Variants in PCDHA9 observed in about 807,000 individuals in gnomAD.
PCDHA9 encodes protocadherin alpha 9.
PCDHA9 carries 62 observed loss-of-function variants against 62.0 expected under a neutral mutation model. The observed-to-expected ratio is 1.00, with a 90% CI of 0.81 to 1.23. The LOEUF (loss-of-function observed/expected upper bound fraction) is 1.23, where lower values mean the gene tolerates loss of function less well. PCDHA9 is among the 50% of genes most tolerant of loss of function. PCDHA9 has a pLI of 0.00. For synonymous variants in PCDHA9, 557 were observed against 567.6 expected (o/e 0.98, Z 0.27); for missense variants, 1,205 against 1,249.8 (o/e 0.96, Z 0.54).
At chr5:140,856,940 A>G (rs2044280502) in intron 1 of PCDHA9, 1 of 1,593,596 alleles carries the variant, frequency 6.3e-7, no homozygotes, top group African/African-American at 1.3e-5. Context: ...AAACGAAAGG[A>G]CGGGAGAAAT....
At chr5:140,864,271 A>T (rs2048397543) in intron 1 of PCDHA9, 1 of 152,134 alleles carries the variant, frequency 6.6e-6, no homozygotes, top group African/African-American at 2.4e-5. Context: ...TGTGTCCTCC[A>T]TTCCTTATTG....
rs2042023727 is a variant in PCDHA9, at chr5:140,851,309, G to T, written c.2394+420G>T. ...ACCCAAGCAAAAATATATAGCAATT[G>T]TTACCTTGTTAAGTTTGTAGTTCTC... On this transcript the variant is annotated intron_variant, in intron 1 of 3. Coordinates refer to ENST00000532602, the MANE Select transcript of PCDHA9 (RefSeq NM_031857.2). 5.0e-6 allele frequency: 5 copies of T among 1,000,390 alleles called. 1 individual carries two copies. Among genetic ancestry groups the T allele is most frequent in the Admixed American group, 5.3e-5 (1 of 18,698 alleles). 62.0% of individuals were successfully genotyped at this position (1,000,390 alleles called of 1,614,324 possible).
At chr5:140,985,128 G>A (rs908196925) in intron 3 of PCDHA9, among the ~76,000 whole-genome samples, 3 of 152,056 alleles carry the variant, frequency 2.0e-5, no homozygotes, top group Admixed American at 6.6e-5. Flanking sequence ...TAGTAAAGAC[G>A]GGGTTTCACC....
At chr5:140,911,560 A>T (rs1554194794) in intron 1 of PCDHA9, among the ~76,000 whole-genome samples, 2 of 152,170 alleles carry the variant, frequency 1.3e-5, no homozygotes, top group Non-Finnish European at 2.9e-5. Flanking sequence ...ATTTTCTTTC[A>T]TCACTTTGTC....
intron 1 of PCDHA9, among the ~76,000 whole-genome samples, chr5:140,941,183 T>C (rs2092749314): frequency 8.3e-6 from 1 of 120,094 alleles, no homozygotes; most frequent in African/African-American, 3.0e-5. Flanking sequence ...AACATCCTGC[T>C]TCTTTTTTTT....
chr5:140,870,908 A>G, intron 1 of PCDHA9: 1 of 1,613,928 alleles, frequency 6.2e-7, no homozygotes, highest in Non-Finnish European at 8.5e-7. Flanking sequence ...GACTCAGGCT[A>G]CAACGCGTGG....
At chr5:140,995,557 A>G (rs1032736761) in intron 3 of PCDHA9, among the ~76,000 whole-genome samples, 2 of 152,252 alleles carry the variant, frequency 1.3e-5, no homozygotes, top group African/African-American at 2.4e-5. Flanking sequence ...ACTGTACTGA[A>G]TAATATGTCA....
intron 1 of PCDHA9, chr5:140,869,678 T>A: frequency 1.9e-6 from 3 of 1,613,496 alleles, no homozygotes; most frequent in East Asian, 4.5e-5. Flanking sequence ...ATTAAAAGAC[T>A]GTCACTTATT....
chr5:140,929,246 C>T, intron 1 of PCDHA9: 1 of 1,613,738 alleles, frequency 6.2e-7, no homozygotes, highest in Non-Finnish European at 8.5e-7. Context: ...AATCTTGCCA[C>T]TGGGGTAGGA....
chr5:140,888,447 A>G (rs1554183478), intron 1 of PCDHA9, among the ~76,000 whole-genome samples: 1 of 152,190 alleles, frequency 6.6e-6, no homozygotes, highest in Non-Finnish European at 1.5e-5. Context: ...CCCAACAATA[A>G]AGAATTAGCT....
intron 3 of PCDHA9, among the ~76,000 whole-genome samples, chr5:140,994,116 T>C: frequency 6.6e-6 from 1 of 152,196 alleles, no homozygotes; most frequent in East Asian, 1.9e-4. Context: ...CATTGTCATG[T>C]GATAAGGGCG....
chr5:140,850,250 G>T lies in PCDHA9; in HGVS notation c.1755G>T (p.Val585=), dbSNP rs2150475592. The part of the protein sequence containing the change: ...GAVSEMVLRS[V]GAGVVVGKVR... ...TGAGCGAGATGGTGCTGCGGTCGGT[G>T]GGCGCCGGCGTAGTGGTGGGGAAGG... The change falls in exon 1 of 4, where the codon GTG becomes GTT. Residue 585 remains valine (V), a synonymous_variant. Transcript: ENST00000532602. 1.3e-6 allele frequency: 2 copies of T among 1,594,024 alleles called. No homozygotes were observed. Among genetic ancestry groups the T allele is most frequent in the South Asian group, 2.2e-5 (2 of 90,416 alleles).
Position 140,848,728 on chromosome 5 carries a change from A to G in PCDHA9, c.233A>G (p.Asn78Ser). Residue 78 changes from asparagine to serine, a missense_variant, in exon 1 of 4, where the codon AAT becomes AGT. This residue lies in a region of PCDHA9 where 208 missense variants were observed against 213.2 expected (regional missense o/e 0.98). Transcript: ENST00000532602. ...GGCCGCGGGGACCTTCTGGAGGTAAATCTGCAGAATGGCATTTTGTTTGTG... is the reference window on the plus strand; with the variant it reads ...GGCCGCGGGGACCTTCTGGAGGTAAGTCTGCAGAATGGCATTTTGTTTGTG... Reference protein sequence around the residue: ...SKGRGDLLEVNLQNGILFVNS... With the variant: ...SKGRGDLLEVSLQNGILFVNS... 5 of 1,592,594 alleles carry G rather than the reference A, an allele frequency of 3.1e-6. No individual in the cohort carries two copies. Among genetic ancestry groups the G allele is most frequent in the South Asian group, 1.1e-5 (1 of 90,116 alleles).
intron 1 of PCDHA9, among the ~76,000 whole-genome samples, chr5:140,872,514 T>G (rs1223185665): frequency 1.3e-5 from 2 of 152,108 alleles, no homozygotes; most frequent in East Asian, 3.9e-4. Context: ...GTAGTCCCAG[T>G]TTCTTGGGAG....
At chr5:140,993,883 A>G (rs1256857317) in intron 3 of PCDHA9, among the ~76,000 whole-genome samples, 1 of 152,228 alleles carries the variant, frequency 6.6e-6, no homozygotes, top group East Asian at 1.9e-4. Flanking sequence ...AGTACGCTCT[A>G]TGATGTCCAT....
rs782449567 is a variant in PCDHA9, at chr5:140,928,010, G to T, written c.2395-50939G>T. 4.3e-6 allele frequency: 7 copies of T among 1,614,168 alleles called. No individual in the cohort carries two copies. In the South Asian group the frequency reaches 6.6e-5, roughly 15 times the overall value. On this transcript the variant is annotated intron_variant, in intron 1 of 3. Coordinates refer to ENST00000532602, the MANE Select transcript of PCDHA9 (RefSeq NM_031857.2). Reference sequence around the variant, plus strand: ...AAGGATGAAGACCTCGATTCTAATGGTAGGGTCATTTGTGGCATGTCTAGT... The same window carrying T: ...AAGGATGAAGACCTCGATTCTAATGTTAGGGTCATTTGTGGCATGTCTAGT...
At chr5:140,906,494 G>C (rs1327823813) in intron 1 of PCDHA9, among the ~76,000 whole-genome samples, 4 of 152,196 alleles carry the variant, frequency 2.6e-5, no homozygotes, top group African/African-American at 9.7e-5. Context: ...GCACAAACAT[G>C]TTTTTAACAA....
rs2098417470 is a variant in PCDHA9, at chr5:141,010,504, A to G, written c.*567A>G. On this transcript the variant is annotated 3_prime_UTR_variant, in exon 4 of 4. Coordinates refer to ENST00000532602, the MANE Select transcript of PCDHA9 (RefSeq NM_031857.2). ...AACTTAAAGGGACCAGACTTTCTAA[A>G]TCTTACAACTCAAGAGGTGGCAGCC... 3.6e-6 allele frequency: 2 copies of G among 549,616 alleles called. No homozygotes were observed. The allele number at this position is 549,616 out of a possible 1,614,324, so 34.0% of individuals were successfully genotyped here.
chr5:140,882,020 C>CA, intron 1 of PCDHA9: 1 of 561,726 alleles, frequency 1.8e-6, no homozygotes, highest in East Asian at 3.1e-5. Context: ...AATACTACAT[C>CA]AATGGAAAAT....
Sources: gnomAD v4.1 joint callset for allele counts (sites outside exome capture counted in the v4.1 genomes callset) on GRCh38, gnomAD v4.1.1 for gene constraint, gnomAD v4.1.1 regional missense constraint, MANE v1.5 for transcripts, NCBI Gene and HGNC (gene_info 2026-07-23, HGNC 2026-07-21) for gene names.